OSBPL10: variants seen among roughly 807,000 people sequenced by gnomAD.
OSBPL10 encodes the protein oxysterol-binding protein-related protein 10.
Under a neutral mutation model 81.7 loss-of-function variants are expected in OSBPL10, and 49 were observed. The observed-to-expected ratio is 0.60, with a 90% confidence interval of 0.48 to 0.76. The LOEUF (loss-of-function observed/expected upper bound fraction) is 0.76, where lower values mean the gene tolerates loss of function less well. Among genes scored for constraint, OSBPL10 ranks in the 30% least tolerant of loss-of-function variants. OSBPL10 has a pLI of 0.00. For missense variants in OSBPL10, 923 were observed against 987.8 expected (o/e 0.93, Z 0.88); for synonymous variants, 419 against 383.6 (o/e 1.09, Z -1.08).
intron 1 of OSBPL10, among the ~76,000 whole-genome samples, chr3:31,970,365 G>A (rs1013950965): frequency 4.6e-5 from 7 of 152,284 alleles, no homozygotes; most frequent in African/African-American, 1.4e-4. Flanking sequence ...GTTCAAGACG[G>A]CTGCTGAAAT....
At chr3:31,861,625 T>C (rs1271588692) in intron 3 of OSBPL10, among the ~76,000 whole-genome samples, 1 of 152,244 alleles carries the variant, frequency 6.6e-6, no homozygotes, top group African/African-American at 2.4e-5. Context: ...TTAATATTAT[T>C]GGCCTCTTTG....
intron 5 of OSBPL10, among the ~76,000 whole-genome samples, chr3:31,737,957 ACTCCAGCC>A (rs1205938578): frequency 6.6e-6 from 1 of 150,922 alleles, no homozygotes; most frequent in Non-Finnish European, 1.5e-5. Flanking sequence ...ATGCCACTGC[ACTCCAGCC>A]CTCCAGCCTG....
At chr3:31,783,489 C>T (rs544686103) in intron 4 of OSBPL10, among the ~76,000 whole-genome samples, 2 of 151,592 alleles carry the variant, frequency 1.3e-5, no homozygotes, top group African/African-American at 4.8e-5. Flanking sequence ...CCACCTGTTC[C>T]CCAAAAACTA....
At chr3:31,700,483 T>C (rs771555959) in intron 7 of OSBPL10, 2 of 152,136 alleles carry the variant, frequency 1.3e-5, no homozygotes, top group African/African-American at 2.4e-5. Flanking sequence ...TTTATAAACA[T>C]TAAAAAAAAA....
In OSBPL10 at chr3:31,972,857, A is replaced by G. The variant is rs535678727; in HGVS notation, c.281+8042T>C. Among the ~76,000 whole-genome samples the G allele has an allele frequency of 3.9e-5, 6 of 152,370 alleles. No individual in the cohort carries two copies. In the East Asian group the frequency reaches 1.2e-3, roughly 29 times the overall value. ...GTCCCCTAAAAACTACAACACAAAA[A>G]GAAAAGATTATTCATGGTGCAAATG... On this transcript the variant is annotated intron_variant, in intron 1 of 11. Transcript: ENST00000396556.
chr3:32,026,709 T>C (rs985271269), intron 2 of OSBPL10, among the ~76,000 whole-genome samples: 1 of 152,226 alleles, frequency 6.6e-6, no homozygotes, highest in African/African-American at 2.4e-5. Context: ...ACTAACGCTC[T>C]CTTTGTTTCA....
Position 31,829,953 on chromosome 3 carries a change from G to A in OSBPL10, c.729+87C>T, listed in dbSNP as rs142903717. On this transcript the variant is annotated intron_variant, in intron 4 of 11. Coordinates refer to ENST00000396556, the MANE Select transcript of OSBPL10 (RefSeq NM_017784.5). ...TGGTCCTCTCTCCATAAATCAAGACGGCGCAAAGGAAGAGGAGTCGGCAGA... is the reference window on the plus strand; with the variant it reads ...TGGTCCTCTCTCCATAAATCAAGACAGCGCAAAGGAAGAGGAGTCGGCAGA... The A allele has an allele frequency of 1.8e-4, 237 of 1,320,690 alleles. 2 individuals are homozygous for A. In the East Asian group the frequency reaches 5.6e-3, roughly 31 times the overall value. 81.8% of individuals were successfully genotyped at this position (1,320,690 alleles called of 1,614,324 possible). A position where few individuals can be genotyped will look rare whatever the true frequency, so the allele number is the denominator to read the frequency against.
intron 4 of OSBPL10, among the ~76,000 whole-genome samples, chr3:31,787,087 G>A (rs771815303): frequency 9.9e-5 from 15 of 152,136 alleles, no homozygotes; most frequent in Non-Finnish European, 1.5e-4. Context: ...TAGAATAAGC[G>A]GTCACGATAT....
chr3:32,052,039 A>G (rs1458216121), intron 1 of OSBPL10, among the ~76,000 whole-genome samples: 2 of 152,046 alleles, frequency 1.3e-5, no homozygotes, highest in East Asian at 3.9e-4. Context: ...TGAGCTCAGG[A>G]GTTCAAGACC....
intron 3 of OSBPL10, among the ~76,000 whole-genome samples, chr3:31,872,446 GTTGTTGT>G (rs916342999): frequency 1.4e-5 from 2 of 139,012 alleles, no homozygotes; most frequent in African/African-American, 6.2e-5. Flanking sequence ...TTTTGTTTTT[GTTGTTGT>G]TTTTTTTTTT....
intron 8 of OSBPL10, among the ~76,000 whole-genome samples, chr3:31,672,758 T>C (rs1700358523): frequency 6.6e-6 from 1 of 152,036 alleles, no homozygotes; most frequent in Non-Finnish European, 1.5e-5. Context: ...CAAGCTGACA[T>C]GCTAGTATGT....
chr3:31,666,590 C>T (rs1575461960), intron 10 of OSBPL10, among the ~76,000 whole-genome samples: 1 of 152,128 alleles, frequency 6.6e-6, no homozygotes, highest in Admixed American at 6.5e-5. Flanking sequence ...CTGCAGAGAA[C>T]AAGGATGGGT....
At chr3:31,762,385 G>A (rs532063096) in intron 4 of OSBPL10, among the ~76,000 whole-genome samples, 22 of 152,128 alleles carry the variant, frequency 1.4e-4, no homozygotes, top group Non-Finnish European at 2.9e-4. Flanking sequence ...GCTGAGAAGC[G>A]CTGGGCTGCA....
chr3:31,909,175 G>A (rs1696503798), intron 1 of OSBPL10, among the ~76,000 whole-genome samples: 1 of 152,174 alleles, frequency 6.6e-6, no homozygotes, highest in South Asian at 2.1e-4. Flanking sequence ...TTACCTTTCA[G>A]ATGGCTGGCC....
chr3:31,698,293 T>C (rs1695790010), intron 7 of OSBPL10, among the ~76,000 whole-genome samples: 1 of 151,574 alleles, frequency 6.6e-6, no homozygotes, highest in African/African-American at 2.4e-5. Flanking sequence ...CTACTTAAAA[T>C]ACAAAAAATT....
intron 4 of OSBPL10, among the ~76,000 whole-genome samples, chr3:31,821,140 G>A (rs1280203654): frequency 6.6e-6 from 1 of 152,156 alleles, no homozygotes; most frequent in Non-Finnish European, 1.5e-5. Flanking sequence ...CCAGCAGGTT[G>A]AGACCACAAC....
At chr3:31,905,995 C>G (rs1272722600) in intron 1 of OSBPL10, among the ~76,000 whole-genome samples, 1 of 151,994 alleles carries the variant, frequency 6.6e-6, no homozygotes, top group Non-Finnish European at 1.5e-5. Flanking sequence ...TATTAATCTA[C>G]TCTCCTGTAG....
At chr3:31,681,666 C>T (rs1217907806) in intron 8 of OSBPL10, among the ~76,000 whole-genome samples, 2 of 152,182 alleles carry the variant, frequency 1.3e-5, no homozygotes, top group African/African-American at 4.8e-5. Flanking sequence ...GCAAGGAGCA[C>T]CTTCTCCCAT....
chr3:31,951,623 T>C (rs1198563537), intron 1 of OSBPL10, among the ~76,000 whole-genome samples: 6 of 151,420 alleles, frequency 4.0e-5, no homozygotes, highest in Non-Finnish European at 7.4e-5. Flanking sequence ...TCAATTATAT[T>C]TTTCAAATAT....
Sources: gnomAD v4.1 joint callset for allele counts (sites outside exome capture counted in the v4.1 genomes callset) on GRCh38, gnomAD v4.1.1 for gene constraint, MANE v1.5 for transcripts, NCBI Gene and HGNC (gene_info 2026-07-23, HGNC 2026-07-21) for gene names.